VAV3: variants seen among roughly 807,000 people sequenced by gnomAD.
VAV3 encodes guanine nucleotide exchange factor VAV3.
VAV3 carries 94 observed loss-of-function variants against 131.2 expected under a neutral mutation model. The ratio of observed to expected loss-of-function variants is 0.72; its 90% CI spans 0.61 to 0.85. VAV3 has a LOEUF of 0.85. VAV3 is among the 40% of genes least tolerant of loss of function. The pLI is 0.00. For synonymous variants in VAV3, 349 were observed against 342.0 expected, an observed-to-expected ratio of 1.02 and a Z score of -0.22; for missense variants, 939 against 1,002.7, an observed-to-expected ratio of 0.94 and a Z score of 0.86.
intron 26 of VAV3, among the ~76,000 whole-genome samples, chr1:107,573,823 T>C (rs1045488492): frequency 1.3e-5 from 2 of 152,208 alleles, no homozygotes; most frequent in Non-Finnish European, 2.9e-5. Flanking sequence ...GCTGTCCCAC[T>C]TGCCCAGGTG....
chr1:107,612,848 G>T (rs74109106), intron 21 of VAV3, among the ~76,000 whole-genome samples: 181 of 152,126 alleles, frequency 1.2e-3, no homozygotes, highest in African/African-American at 4.2e-3. Flanking sequence ...GGTTCTTTAA[G>T]CCAGAAATAC....
At chr1:107,781,085 C>CAT (rs1338656638) in intron 2 of VAV3, among the ~76,000 whole-genome samples, 16 of 151,640 alleles carry the variant, frequency 1.1e-4, no homozygotes, top group Non-Finnish European at 1.3e-4. Context: ...GAACTGGTAC[C>CAT]ATATATATAT....
At chr1:107,901,550 T>C (rs1671856033) in intron 1 of VAV3, among the ~76,000 whole-genome samples, 1 of 152,226 alleles carries the variant, frequency 6.6e-6, no homozygotes, top group African/African-American at 2.4e-5. Flanking sequence ...TGGTGGTGTG[T>C]AATCTTATTC....
intron 1 of VAV3, among the ~76,000 whole-genome samples, chr1:107,946,051 T>G (rs972918258): frequency 6.6e-6 from 1 of 151,908 alleles, no homozygotes; most frequent in Middle Eastern, 3.2e-3. Flanking sequence ...ACTCCAAGCA[T>G]GGGGAAGCAT....
chr1:107,818,511 C>T (rs1355262630), intron 2 of VAV3, among the ~76,000 whole-genome samples: 3 of 151,842 alleles, frequency 2.0e-5, no homozygotes, highest in Non-Finnish European at 4.4e-5. Flanking sequence ...GGGAGGAACA[C>T]ATATTAGAAA....
intron 1 of VAV3, among the ~76,000 whole-genome samples, chr1:107,901,826 T>C (rs1022749458): frequency 6.6e-6 from 1 of 152,038 alleles, no homozygotes; most frequent in Non-Finnish European, 1.5e-5. Flanking sequence ...GTGGATCACC[T>C]GAGGTCAGCA....
At chr1:107,774,368 A>T (rs1665218549) in intron 4 of VAV3, among the ~76,000 whole-genome samples, 2 of 152,158 alleles carry the variant, frequency 1.3e-5, no homozygotes, top group African/African-American at 4.8e-5. Flanking sequence ...CGCCTGGCTG[A>T]CTTTTCTCTA....
At chr1:107,901,766 G>A (rs1208333424) in intron 1 of VAV3, among the ~76,000 whole-genome samples, 1 of 152,168 alleles carries the variant, frequency 6.6e-6, no homozygotes, top group African/African-American at 2.4e-5. Flanking sequence ...AACTGGGCTG[G>A]AGAGGGTGGT....
rs1664851063 is a variant in VAV3, at chr1:107,768,375, A to C, written c.717+66T>G. 3.4e-6 allele frequency: 4 copies of C among 1,182,352 alleles called. No homozygotes were observed. The East Asian group carries it at 7.3e-5, about 22-fold the overall frequency. 73.2% of individuals were successfully genotyped at this position (1,182,352 alleles called of 1,614,324 possible). A position where few individuals can be genotyped will look rare whatever the true frequency, so the allele number is the denominator to read the frequency against. ...AAGAGTATTAAAATAGGGATCTGGA[A>C]CCCCCTAAGGAAATGAAGATTTTAT... On this transcript the variant is annotated intron_variant, in intron 7 of 26. Transcript: ENST00000370056.
intron 25 of VAV3, among the ~76,000 whole-genome samples, chr1:107,590,017 G>T (rs1435930114): frequency 6.6e-6 from 1 of 152,174 alleles, no homozygotes; most frequent in African/African-American, 2.4e-5. Flanking sequence ...TGAAGGATAA[G>T]CATGTTGTTG....
chr1:107,750,686 A>G (rs1010393420), intron 13 of VAV3, among the ~76,000 whole-genome samples: 3 of 152,232 alleles, frequency 2.0e-5, no homozygotes, highest in African/African-American at 7.2e-5. Flanking sequence ...AAGCTTACTA[A>G]TCTTCAAGAA....
intron 2 of VAV3, among the ~76,000 whole-genome samples, chr1:107,825,158 C>A (rs2102372160): frequency 6.6e-6 from 1 of 152,204 alleles, no homozygotes; most frequent in East Asian, 1.9e-4. Context: ...GCCGAACAAG[C>A]CTAAAATAGT....
chr1:107,706,217 C>A (rs1212940729), intron 15 of VAV3, among the ~76,000 whole-genome samples: 1 of 152,032 alleles, frequency 6.6e-6, no homozygotes, highest in East Asian at 1.9e-4. Context: ...CCAGGATTTC[C>A]CCTTTTATAG....
At chr1:107,660,874 C>T (rs114251290) in intron 19 of VAV3, among the ~76,000 whole-genome samples, 240 of 152,052 alleles carry the variant, frequency 1.6e-3, no homozygotes, top group African/African-American at 5.6e-3. Flanking sequence ...GCAAACGCTA[C>T]GGAAGCACAA....
rs574715199 is a variant in VAV3, at chr1:107,613,046, G to A, written c.1981-3081C>T. Among the ~76,000 whole-genome samples, 60 of 152,220 alleles carry A rather than the reference G, an allele frequency of 3.9e-4. No individual in the cohort carries two copies. In the South Asian group the frequency reaches 0.012, roughly 30 times the overall value. On this transcript the variant is annotated intron_variant, in intron 21 of 26. Coordinates refer to ENST00000370056, the MANE Select transcript of VAV3 (RefSeq NM_006113.5). ...GTCCACAAGTTATAGTTATGTGTGG[G>A]AGTATTGGTCCAATAGGAGCTATTC...
intron 1 of VAV3, among the ~76,000 whole-genome samples, chr1:107,919,015 T>C (rs1194362114): frequency 6.6e-6 from 1 of 152,116 alleles, no homozygotes; most frequent in African/African-American, 2.4e-5. Flanking sequence ...CCAAGGCATA[T>C]TTTACCACTC....
intron 15 of VAV3, among the ~76,000 whole-genome samples, chr1:107,728,624 T>C (rs148829304): frequency 0.14 from 14,302 of 103,458 alleles, 1,043 homozygotes; most frequent in African/African-American, 0.23. Flanking sequence ...TATATGTATA[T>C]GTATATGTAT....
chr1:107,771,408 A>C (rs988701644), intron 5 of VAV3, among the ~76,000 whole-genome samples: 2 of 151,948 alleles, frequency 1.3e-5, no homozygotes, highest in Admixed American at 6.6e-5. Flanking sequence ...GCCCGCCGCC[A>C]CGCCCAGCTA....
chr1:107,725,554 GC>G (rs1333768608), intron 15 of VAV3, among the ~76,000 whole-genome samples: 2 of 152,126 alleles, frequency 1.3e-5, no homozygotes, highest in African/African-American at 4.8e-5. Context: ...TCACTGTGTT[GC>G]CCAGTCTGGA....
Sources: allele counts gnomAD v4.1 joint callset (sites outside exome capture counted in the v4.1 genomes callset), GRCh38; gene constraint gnomAD v4.1.1; transcripts MANE v1.5; gene names NCBI Gene and HGNC (gene_info 2026-07-23, HGNC 2026-07-21).